BTBD10: variants seen among roughly 807,000 people sequenced by gnomAD.
BTBD10 encodes BTB domain containing 10, also known as BTB/POZ domain-containing protein 10.
In BTBD10, 21 loss-of-function variants were observed where a neutral mutation model predicts 53.2. The observed-to-expected ratio is 0.39, with a 90% CI of 0.28 to 0.57. The LOEUF (loss-of-function observed/expected upper bound fraction) is 0.57. BTBD10 is among the 20% of genes least tolerant of loss of function. BTBD10 has a pLI of 0.53. For missense variants in BTBD10, 360 were observed against 594.7 expected (o/e 0.61, Z 4.10); for synonymous variants, 149 against 192.7 (o/e 0.77, Z 1.88).
At chr11:13,441,539 G>A (rs1282934968) in intron 2 of BTBD10, among the ~76,000 whole-genome samples, 2 of 151,868 alleles carry the variant, frequency 1.3e-5, no homozygotes, top group East Asian at 1.9e-4. Flanking sequence ...AAACCATAAG[G>A]CAATGCTCTC....
At chr11:13,456,858 C>T (rs960482857) in intron 1 of BTBD10, among the ~76,000 whole-genome samples, 4 of 152,138 alleles carry the variant, frequency 2.6e-5, no homozygotes, top group Non-Finnish European at 5.9e-5. Context: ...GCATACACTG[C>T]CAATGAAAAG....
At chr11:13,394,993 C>T (rs1949503684) in intron 8 of BTBD10, among the ~76,000 whole-genome samples, 1 of 151,104 alleles carries the variant, frequency 6.6e-6, no homozygotes, top group South Asian at 2.1e-4. Flanking sequence ...AATAGTGCCG[C>T]AATAAACATA....
intron 1 of BTBD10, among the ~76,000 whole-genome samples, chr11:13,457,443 C>G (rs995132527): frequency 2.0e-5 from 3 of 152,026 alleles, no homozygotes; most frequent in Non-Finnish European, 4.4e-5. Flanking sequence ...GGATTAATAT[C>G]CAAAATACAT....
At chr11:13,397,622 A>C (rs1414381711) in intron 8 of BTBD10, among the ~76,000 whole-genome samples, 1 of 151,952 alleles carries the variant, frequency 6.6e-6, no homozygotes, top group Admixed American at 6.6e-5. Context: ...TAGTTCTTTT[A>C]ATTGTGATGT....
intron 8 of BTBD10, among the ~76,000 whole-genome samples, chr11:13,402,369 T>C (rs946297706): frequency 6.6e-6 from 1 of 152,200 alleles, no homozygotes; most frequent in African/African-American, 2.4e-5. Flanking sequence ...CATATATTAA[T>C]TCATTCTATC....
chr11:13,440,332 T>C, intron 2 of BTBD10: 1 of 1,083,892 alleles, frequency 9.2e-7, no homozygotes, highest in South Asian at 2.6e-5. Context: ...GATATTGTAA[T>C]TGATAGACAG....
chr11:13,415,919 G>T (rs115720504), intron 5 of BTBD10, among the ~76,000 whole-genome samples: 1 of 151,330 alleles, frequency 6.6e-6, no homozygotes. Context: ...GTCTCTTAGC[G>T]TGCTGGGATT....
intron 1 of BTBD10, among the ~76,000 whole-genome samples, chr11:13,450,635 A>G (rs1331753135): frequency 6.6e-6 from 1 of 152,226 alleles, no homozygotes; most frequent in Admixed American, 6.5e-5. Flanking sequence ...AGAGAACTGA[A>G]CAGTCATTTT....
At chr11:13,449,329 T>C (rs1045241213) in intron 1 of BTBD10, among the ~76,000 whole-genome samples, 6 of 152,176 alleles carry the variant, frequency 3.9e-5, no homozygotes, top group African/African-American at 1.2e-4. Flanking sequence ...TTTCTCCTAC[T>C]TAAACCTTAA....
intron 2 of BTBD10, among the ~76,000 whole-genome samples, chr11:13,432,973 C>G (rs148486188): frequency 6.6e-6 from 1 of 151,908 alleles, no homozygotes; most frequent in South Asian, 2.1e-4. Flanking sequence ...GCACTCATAT[C>G]AGAAAACTGT....
chr11:13,407,827 AT>A (rs1419519822), intron 6 of BTBD10, among the ~76,000 whole-genome samples: 1 of 152,178 alleles, frequency 6.6e-6, no homozygotes. Context: ...AAGCCTTGCA[AT>A]TTCTGCCTTG....
At chr11:13,418,218 A>G (rs1165042460) in intron 4 of BTBD10, among the ~76,000 whole-genome samples, 3 of 152,004 alleles carry the variant, frequency 2.0e-5, no homozygotes, top group Non-Finnish European at 4.4e-5. Context: ...TACAGTTCCC[A>G]TGAATATTAA....
At chr11:13,422,456 T>G (rs2133973755) in intron 2 of BTBD10, among the ~76,000 whole-genome samples, 1 of 152,304 alleles carries the variant, frequency 6.6e-6, no homozygotes. Flanking sequence ...GAGACCAGCC[T>G]GGCCAACATG....
intron 8 of BTBD10, among the ~76,000 whole-genome samples, chr11:13,399,204 C>G (rs568454758): frequency 6.6e-6 from 1 of 152,286 alleles, no homozygotes; most frequent in Admixed American, 6.5e-5. Context: ...TAGATTTGGT[C>G]TTTTCACATA....
chr11:13,445,941 T>C (rs567672533), intron 1 of BTBD10, among the ~76,000 whole-genome samples: 2 of 152,272 alleles, frequency 1.3e-5, no homozygotes, highest in African/African-American at 4.8e-5. Flanking sequence ...GGCATTATGA[T>C]CCCCATATAC....
chr11:13,430,469 T>A (rs1313964759), intron 2 of BTBD10, among the ~76,000 whole-genome samples: 1 of 152,280 alleles, frequency 6.6e-6, no homozygotes, highest in Non-Finnish European at 1.5e-5. Context: ...GAGAAGAGAT[T>A]GTTTCTTAAG....
chr11:13,412,211 T>A (rs1462067104), intron 6 of BTBD10, among the ~76,000 whole-genome samples: 1 of 152,052 alleles, frequency 6.6e-6, no homozygotes, highest in African/African-American at 2.4e-5. Flanking sequence ...CCCAGCACTT[T>A]GGGAGACCGA....
chr11:13,439,571 T>C (rs1950609532), intron 2 of BTBD10, among the ~76,000 whole-genome samples: 1 of 152,120 alleles, frequency 6.6e-6, no homozygotes, highest in South Asian at 2.1e-4. Flanking sequence ...ATCAAAAATA[T>C]TATTGCAAAA....
chr11:13,395,095 C>G (rs576328955), intron 8 of BTBD10, among the ~76,000 whole-genome samples: 2 of 147,050 alleles, frequency 1.4e-5, no homozygotes, highest in East Asian at 4.0e-4. Flanking sequence ...ATTTCTAGTT[C>G]TAGATCCATG....
Sources: allele counts gnomAD v4.1 joint callset (sites outside exome capture counted in the v4.1 genomes callset), GRCh38; gene constraint gnomAD v4.1.1; transcripts MANE v1.5; gene names NCBI Gene and HGNC (gene_info 2026-07-23, HGNC 2026-07-21).